The following PRRC2C variants were observed in gnomAD, a reference collection of about 807,000 sequenced individuals.
PRRC2C encodes proline rich coiled-coil 2C.
In PRRC2C, 72 loss-of-function variants were observed where a neutral mutation model predicts 317.2. That is an observed-to-expected ratio of 0.23 (90% CI 0.19 to 0.28). PRRC2C has a LOEUF of 0.28. Among genes scored for constraint, PRRC2C ranks in the 10% least tolerant of loss-of-function variants. PRRC2C has a pLI of 1.00. For synonymous variants in PRRC2C, 1,296 were observed against 1,205.9 expected, an observed-to-expected ratio of 1.07 and a Z score of -1.55; for missense variants, 3,074 against 3,459.7, an observed-to-expected ratio of 0.89 and a Z score of 2.80.
intron 9 of PRRC2C, 30 bp downstream of exon 9, chr1:171,523,552 G>A: frequency 1.3e-6 from 2 of 1,524,854 alleles, no homozygotes; most frequent in South Asian, 1.2e-5. Flanking sequence ...ACTAATAACA[G>A]TATGAATTTG....
At chr1:171,568,142 G>A in intron 22 of PRRC2C, 105 bp from the exon 23 acceptor site, 1 of 1,386,442 alleles carries the variant, frequency 7.2e-7, no homozygotes, top group South Asian at 1.7e-5. Flanking sequence ...CTGAGATCAT[G>A]CCACTGCACT....
intron 11 of PRRC2C, among the ~76,000 whole-genome samples, chr1:171,528,286 A>AT (rs60053076): frequency 0.13 from 18,204 of 135,776 alleles, 1,375 homozygotes; most frequent in South Asian, 0.3. Context: ...CATCAGTGAA[A>AT]TTTTTTTTTT....
intron 28 of PRRC2C, among the ~76,000 whole-genome samples, chr1:171,583,735 T>G (rs1253518803): frequency 6.6e-6 from 1 of 152,242 alleles, no homozygotes; most frequent in Non-Finnish European, 1.5e-5. Flanking sequence ...TTGAGTCATA[T>G]GTTCTATGAT....
Position 171,591,886 on chromosome 1 carries a change from G to GCCCCCCCCCC in PRRC2C, c.*39_*40insCCCCCCCCCC. On this transcript the variant is annotated 3_prime_UTR_variant, in exon 35 of 35. Transcript: ENST00000647382. Reference sequence around the variant, plus strand: ...TTGCAGGGGATTGGGAGGGGGGCGGGAAAACATGGAGAATTAAGTCAGATA... The same window carrying GCCCCCCCCCC: ...TTGCAGGGGATTGGGAGGGGGGCGGGCCCCCCCCCCAAAACATGGAGAATTAAGTCAGATA... 4.2e-6 allele frequency: 2 copies of GCCCCCCCCCC among 475,624 alleles called. No individual in the cohort carries two copies. Among genetic ancestry groups the GCCCCCCCCCC allele is most frequent in the Non-Finnish European group, 7.5e-6 (2 of 266,830 alleles). The allele number at this position is 475,624 out of a possible 1,614,324, so 29.5% of individuals were successfully genotyped here.
intron 24 of PRRC2C, among the ~76,000 whole-genome samples, 180 bp downstream of exon 24, chr1:171,571,601 G>A (rs1684783449): frequency 6.6e-6 from 1 of 152,150 alleles, no homozygotes; most frequent in Non-Finnish European, 1.5e-5. Flanking sequence ...CCACTAAGTG[G>A]TGACGTGATA....
Position 171,541,156 on chromosome 1 carries a change from A to G in PRRC2C, c.3690A>G (p.Ala1230=), listed in dbSNP as rs1677870760. Residue 1230 remains alanine (A), a synonymous_variant, in exon 16 of 35, where the codon GCA becomes GCG. Coordinates refer to ENST00000647382, the MANE Select transcript of PRRC2C (RefSeq NM_001387844.1). The surrounding 1 kb of genome is among the most constrained non-coding windows in gnomAD (Gnocchi z 4.1). ...AGTATAGAGACAATAAGCCAAGAGC[A>G]GAGCATATACCCTCAGGGCCTCTCA... ...YPQYRDNKPR[A]EHIPSGPLRQ... 3.1e-6 allele frequency: 5 copies of G among 1,613,550 alleles called. No homozygotes were observed. The Middle Eastern group carries it at 5.0e-4, about 160-fold the overall frequency.
At chr1:171,512,532 A>G (rs984463182) in intron 2 of PRRC2C, 3 of 279,880 alleles carry the variant, frequency 1.1e-5, no homozygotes, top group Non-Finnish European at 2.1e-5. Flanking sequence ...TATCTTTTTA[A>G]TTATAGACTA....
Position 171,561,040 on chromosome 1 carries a change from G to T in PRRC2C, c.6054G>T (p.Gln2018His), listed in dbSNP as rs1247437856. ...SKKLGPISPP[Q>H]PPSVSAWNKP... ...CAGTAGGTCCCATTAGTCCACCACA[G>T]CCACCTTCAGTCAGTGCATGGAATA... Residue 2018 changes from glutamine (Q) to histidine (H), a missense_variant, in exon 20 of 35, where the codon CAG becomes CAT. Around this residue, in one of 11 missense-constraint regions of PRRC2C, gnomAD observed 640 missense variants for 676.1 expected, o/e 0.95. Transcript: ENST00000647382. 8.1e-6 allele frequency: 13 copies of T among 1,606,282 alleles called. No individual in the cohort carries two copies. Among genetic ancestry groups the T allele is most frequent in the African/African-American group, 2.7e-5 (2 of 74,710 alleles).
intron 1 of PRRC2C, among the ~76,000 whole-genome samples, chr1:171,503,748 A>T (rs1669624532): frequency 6.6e-6 from 1 of 152,156 alleles, no homozygotes; most frequent in Admixed American, 6.5e-5. Context: ...CATACCCAAG[A>T]CTGGGCAATT....
chr1:171,515,400 TCTGAG>T (rs1245241074), intron 4 of PRRC2C, among the ~76,000 whole-genome samples: 1 of 152,192 alleles, frequency 6.6e-6, no homozygotes, highest in African/African-American at 2.4e-5. Flanking sequence ...TTGAACGAAT[TCTGAG>T]AATTCTTAGC....
intron 27 of PRRC2C, 105 bp downstream of exon 27, chr1:171,579,571 C>T: frequency 6.9e-7 from 1 of 1,439,068 alleles, no homozygotes; most frequent in Non-Finnish European, 9.1e-7. Flanking sequence ...TACAAGCTAC[C>T]CACGATTAGC....
rs1408902539 is a variant in PRRC2C at position 171,513,033 on chromosome 1, G to T, written c.151G>T (p.Gly51Cys). The T allele has an allele frequency of 2.5e-6, 4 of 1,613,058 alleles. No individual in the cohort carries two copies. The highest frequency in any genetic ancestry group is 3.4e-6 in the Non-Finnish European group (4 of 1,179,576). Residue 51 changes from glycine (G) to cysteine (C), a missense_variant, in exon 3 of 35, where the codon GGT (glycine) becomes TGT (cysteine). Around this residue, in one of 11 missense-constraint regions of PRRC2C, gnomAD observed 71 missense variants for 118.9 expected, o/e 0.60. Coordinates refer to ENST00000647382, the MANE Select transcript of PRRC2C (RefSeq NM_001387844.1). ...RHGLQSLGKVGISRRMPPPAN... is the reference protein window; with the variant it reads ...RHGLQSLGKVCISRRMPPPAN... ...TGGATTACAGAGTCTTGGAAAAGTC[G>T]GTATTTCACGGCGTATGCCTCCACC...
chr1:171,561,211 C>A, intron 20 of PRRC2C, 108 bp downstream of exon 20: 1 of 1,110,178 alleles, frequency 9.0e-7, no homozygotes, highest in Non-Finnish European at 1.4e-6. Context: ...GGGAGGGTTA[C>A]TTGAGTCCGG....
In PRRC2C at chr1:171,513,116, T is replaced by C; in HGVS notation, c.234T>C (p.Ile78=). The C allele has an allele frequency of 1.2e-6, 2 of 1,613,662 alleles. No homozygotes were observed. The highest frequency in any genetic ancestry group is 1.1e-5 in the South Asian group (1 of 91,042). The change falls in exon 3 of 35, where the codon ATT becomes ATC. Residue 78 remains isoleucine (I), a synonymous_variant. Transcript: ENST00000647382. ...AAGGCAATGATCCTAATGTAAACAT[T>C]GTACCTAAAGATGGCACAGGGTGGG... ...ENKGNDPNVN[I]VPKDGTGWAS... is the part of the protein sequence containing the mutation.
chr1:171,487,897 C>A (rs1286873946), intron 1 of PRRC2C, among the ~76,000 whole-genome samples: 1 of 152,078 alleles, frequency 6.6e-6, no homozygotes, highest in Admixed American at 6.5e-5. Flanking sequence ...TCCCCTTATC[C>A]CTGATATGTC....
intron 17 of PRRC2C, 22 bp downstream of exon 17, chr1:171,545,709 T>TTTTA (rs57131009): frequency 0.29 from 227,461 of 797,542 alleles, 36,207 homozygotes; most frequent in African/African-American, 0.5. Context: ...GTTTCTTTCA[T>TTTTA]TTTATTTATT....
chr1:171,558,230 G>A, intron 19 of PRRC2C, 87 bp downstream of exon 19: 3 of 1,374,338 alleles, frequency 2.2e-6, no homozygotes, highest in South Asian at 1.7e-5. Flanking sequence ...CTCTTTAAGT[G>A]TTTTCTAGCC....
chr1:171,570,271 G>A (rs959382225), intron 23 of PRRC2C, among the ~76,000 whole-genome samples: 2 of 152,022 alleles, frequency 1.3e-5, no homozygotes, highest in African/African-American at 2.4e-5. Context: ...TCTGTTTGGG[G>A]GTTCCATTTT....
chr1:171,579,586 T>A, intron 27 of PRRC2C, 120 bp downstream of exon 27: 1 of 1,429,160 alleles, frequency 7.0e-7, no homozygotes, highest in Non-Finnish European at 9.1e-7. Flanking sequence ...ATTAGCTTGA[T>A]ATTCTATAAG....
Sources: allele counts gnomAD v4.1 joint callset (sites outside exome capture counted in the v4.1 genomes callset), GRCh38; gene constraint gnomAD v4.1.1; regional missense constraint gnomAD v4.1.1; non-coding constraint Gnocchi (gnomAD v3.1); transcripts MANE v1.5; gene names NCBI Gene and HGNC (gene_info 2026-07-23, HGNC 2026-07-21).